Variants in NLRC5 observed in about 807,000 individuals in gnomAD.
NLRC5 encodes the protein protein NLRC5.
A neutral mutation model predicts 206.9 loss-of-function variants in NLRC5; 114 were observed. That is an observed-to-expected ratio of 0.55 (90% confidence interval 0.47 to 0.64). NLRC5 has a LOEUF of 0.64. Ranked by LOEUF, NLRC5 falls within the 30% of genes least tolerant of loss-of-function variation. The pLI, the probability that NLRC5 is intolerant of heterozygous loss-of-function variation, is 0.00. For synonymous variants in NLRC5, 952 were observed against 962.8 expected, an observed-to-expected ratio of 0.99 and a Z score of 0.21; for missense variants, 2,008 against 2,305.5, an observed-to-expected ratio of 0.87 and a Z score of 2.64.
At chr16:57,019,141 T>G (rs1440215957) in intron 2 of NLRC5, among the ~76,000 whole-genome samples, 1 of 152,148 alleles carries the variant, frequency 6.6e-6, no homozygotes, top group Non-Finnish European at 1.5e-5. Flanking sequence ...ACACCTGTAA[T>G]CCCAGCACTT....
At chr16:57,040,501 C>T (rs570128379) in intron 16 of NLRC5, 149 bp from the exon 17 acceptor site, 102 of 688,912 alleles carry the variant, frequency 1.5e-4, no homozygotes, top group Middle Eastern at 1.5e-3. Flanking sequence ...GGTCACACAA[C>T]CAGGAAGTGG....
intron 1 of NLRC5, among the ~76,000 whole-genome samples, chr16:57,008,745 A>G (rs546251354): frequency 6.6e-6 from 1 of 152,186 alleles, no homozygotes. Context: ...TAAAAGAAAA[A>G]GCCTAGCAAT....
intron 32 of NLRC5, among the ~76,000 whole-genome samples, chr16:57,063,289 G>A (rs1169877330): frequency 6.7e-6 from 1 of 149,506 alleles, no homozygotes; most frequent in Non-Finnish European, 1.5e-5. Flanking sequence ...ATTTTTTTTT[G>A]TATTTTTGTA....
intron 21 of NLRC5, among the ~76,000 whole-genome samples, chr16:57,046,005 G>T (rs1277960333): frequency 6.6e-6 from 1 of 152,230 alleles, no homozygotes; most frequent in African/African-American, 2.4e-5. Context: ...CCTCACTTGG[G>T]AGCAGTGGCA....
chr16:57,001,593 C>CT (rs1196719495), intron 1 of NLRC5, among the ~76,000 whole-genome samples: 1 of 151,808 alleles, frequency 6.6e-6, no homozygotes, highest in East Asian at 1.9e-4. Flanking sequence ...TGGATTGAAC[C>CT]TTTTTTTTAT....
chr16:57,069,992 G>T (rs533612923), intron 37 of NLRC5, 73 bp downstream of exon 37: 3 of 1,245,946 alleles, frequency 2.4e-6, no homozygotes, highest in South Asian at 1.3e-5. Context: ...AGAGCAGGGC[G>T]TTTGGGAGGG....
rs2143008146 is a variant in NLRC5 at position 57,029,816 on chromosome 16, G to A, written c.2287G>A (p.Val763Met). The A allele has an allele frequency of 6.2e-7, 1 of 1,614,166 alleles. No individual in the cohort carries two copies. The highest frequency in any genetic ancestry group is 8.5e-7 in the Non-Finnish European group (1 of 1,180,014). ...CAGTGACCAGGTGGTGCTGAACATT[G>A]TGGAGGTTCTCCCTCACCTACCACG... Reference protein sequence around the residue: ...QLSDQVVLNIVEVLPHLPRLR... With the variant: ...QLSDQVVLNIMEVLPHLPRLR... The change falls in exon 9 of 49, where the codon GTG becomes ATG. Residue 763 changes from valine (V) to methionine (M), a missense_variant. Transcript: ENST00000688547.
At chr16:57,037,103 G>T in intron 14 of NLRC5, 92 bp from the exon 15 acceptor site, 2 of 1,045,100 alleles carry the variant, frequency 1.9e-6, no homozygotes, top group South Asian at 2.5e-5. Context: ...GTGACAGCCA[G>T]CAAGCTGCTG....
intron 1 of NLRC5, among the ~76,000 whole-genome samples, chr16:57,008,910 C>T (rs1486658469): frequency 6.6e-6 from 1 of 152,082 alleles, no homozygotes; most frequent in African/African-American, 2.4e-5. Context: ...GTTTTTCAAA[C>T]ATAAGAGTTA....
Position 56,996,503 on chromosome 16 carries a change from T to C in NLRC5, c.-128+6886T>C, listed in dbSNP as rs563692010. ...GCCCCACCCTTGAGTTTCTTTTCGA[T>C]GATACCTTCAGTTCGTGGCAAGTGG... is the stretch of plus-strand genomic sequence containing the variant. On this transcript the variant is annotated intron_variant, in intron 1 of 48. Transcript: ENST00000688547. Among the ~76,000 whole-genome samples the C allele has an allele frequency of 1.5e-3, 225 of 152,238 alleles. 1 individual carries two copies. The highest frequency in any genetic ancestry group is 2.8e-3 in the Admixed American group (43 of 15,302).
intron 36 of NLRC5, among the ~76,000 whole-genome samples, chr16:57,068,219 C>T (rs186617764): frequency 2.0e-5 from 3 of 152,190 alleles, no homozygotes; most frequent in Non-Finnish European, 2.9e-5. Context: ...TGCCTGAGCT[C>T]AGGAATTCGA....
chr16:57,077,182 C>G, intron 40 of NLRC5, 114 bp from the exon 41 acceptor site: 2 of 915,914 alleles, frequency 2.2e-6, no homozygotes, highest in Middle Eastern at 4.3e-4. Context: ...TGATGGGGCT[C>G]TCTGTGTGAG....
chr16:57,041,695 C>T (rs184175799), intron 18 of NLRC5, 121 bp downstream of exon 18: 9 of 776,424 alleles, frequency 1.2e-5, no homozygotes, highest in Non-Finnish European at 1.9e-5. Context: ...AAGTCAGAAA[C>T]CCCTTGGAGA....
chr16:57,005,401 G>A (rs952692106), intron 1 of NLRC5, among the ~76,000 whole-genome samples: 27 of 151,814 alleles, frequency 1.8e-4, no homozygotes, highest in African/African-American at 6.0e-4. Context: ...GCTCACACCT[G>A]TAATCCCAAC....
chr16:57,049,402 G>C (rs2064508388), intron 23 of NLRC5, among the ~76,000 whole-genome samples: 1 of 152,208 alleles, frequency 6.6e-6, no homozygotes, highest in Admixed American at 6.5e-5. Context: ...TGCGGGCTCT[G>C]CTGGCCAAGG....
At position 57,026,177 on chromosome 16, in the gene NLRC5, G is replaced by A. The variant is rs753676403; in HGVS notation, c.1234G>A (p.Ala412Thr). Residue 412 changes from alanine (A) to threonine (T), a missense_variant, in exon 6 of 49, where the codon GCC (alanine) becomes ACC (threonine). Physicochemically the swap from Ala to Thr is moderately conservative, Grantham distance 58. Transcript: ENST00000688547. ...LCAVPALCQV[A>T]CLCLHHLLPD... is the part of the protein sequence containing the mutation. Reference sequence around the variant, plus strand: ...TGCGGTGCCCGCACTGTGCCAAGTCGCCTGTCTCTGCCTCCACCATCTGCT... The same window carrying A: ...TGCGGTGCCCGCACTGTGCCAAGTCACCTGTCTCTGCCTCCACCATCTGCT... 17 of 1,613,680 alleles carry A rather than the reference G, an allele frequency of 1.1e-5. No individual in the cohort carries two copies. The highest frequency in any genetic ancestry group is 1.6e-4 in the Middle Eastern group (1 of 6,084).
At chr16:57,033,235 C>T (rs1164807601) in intron 11 of NLRC5, among the ~76,000 whole-genome samples, 1 of 152,144 alleles carries the variant, frequency 6.6e-6, no homozygotes, top group South Asian at 2.1e-4. Flanking sequence ...TACTAACCTT[C>T]GATTTTACAC....
At chr16:57,078,929 T>G in intron 43 of NLRC5, 121 bp from the exon 44 acceptor site, 1 of 872,410 alleles carries the variant, frequency 1.1e-6, no homozygotes, top group Non-Finnish European at 1.8e-6. Flanking sequence ...AGGTCCTGTG[T>G]GGATGGGGAA....
intron 24 of NLRC5, chr16:57,052,465 C>T (rs1229145966): frequency 1.3e-5 from 2 of 150,282 alleles, no homozygotes; most frequent in African/African-American, 4.9e-5. Flanking sequence ...AAGAGTGAAA[C>T]TCCATCTCAG....
Sources: gnomAD v4.1 joint callset for allele counts (sites outside exome capture counted in the v4.1 genomes callset) on GRCh38, gnomAD v4.1.1 for gene constraint, MANE v1.5 for transcripts, NCBI Gene and HGNC (gene_info 2026-07-23, HGNC 2026-07-21) for gene names.